Variants in ABCD3 observed in about 807,000 individuals in gnomAD.
ABCD3 encodes ATP-binding cassette sub-family D member 3.
Under a neutral mutation model 105.5 loss-of-function variants are expected in ABCD3, and 41 were observed. That is an observed-to-expected ratio of 0.39 (90% confidence interval 0.30 to 0.50). ABCD3 has a LOEUF of 0.50. ABCD3 is among the 20% of genes least tolerant of loss of function. The probability of loss-of-function intolerance (pLI) is 0.84; values close to 1 mark genes in which losing one functional copy is unlikely to be tolerated. For synonymous variants in ABCD3, 258 were observed against 269.0 expected (o/e 0.96, Z 0.40); for missense variants, 622 against 806.3 (o/e 0.77, Z 2.77).
At chr1:94,495,761 G>A (rs778122577) in intron 16 of ABCD3, among the ~76,000 whole-genome samples, 7 of 152,126 alleles carry the variant, frequency 4.6e-5, no homozygotes, top group African/African-American at 1.7e-4. Flanking sequence ...TTTATATACG[G>A]CCAACATTAC....
chr1:94,434,359 T>G (rs1016263467), intron 1 of ABCD3, among the ~76,000 whole-genome samples: 5 of 152,152 alleles, frequency 3.3e-5, no homozygotes, highest in African/African-American at 1.2e-4. Flanking sequence ...TTTTTTTAAG[T>G]AGGAGTACAC....
intron 21 of ABCD3, among the ~76,000 whole-genome samples, chr1:94,507,193 A>G (rs908425526): frequency 2.1e-5 from 3 of 140,082 alleles, no homozygotes; most frequent in African/African-American, 5.4e-5. Context: ...TCCTGTGTCC[A>G]TGTGTTCTCA....
At chr1:94,480,214 T>A (rs1557680438) in intron 8 of ABCD3, 2 of 521,230 alleles carry the variant, frequency 3.8e-6, no homozygotes, top group Admixed American at 3.3e-5. Flanking sequence ...CAATTAGGAG[T>A]TTTTAGGTGA....
chr1:94,484,448 T>C (rs1649182242), intron 10 of ABCD3, among the ~76,000 whole-genome samples: 1 of 152,216 alleles, frequency 6.6e-6, no homozygotes, highest in African/African-American at 2.4e-5. Context: ...CATGGAATAC[T>C]ATGCAGCCAT....
intron 15 of ABCD3, among the ~76,000 whole-genome samples, chr1:94,490,878 C>T (rs1034587787): frequency 6.6e-6 from 1 of 151,976 alleles, no homozygotes; most frequent in African/African-American, 2.4e-5. Context: ...ATTTGTAGTC[C>T]CACCAACAAT....
chr1:94,463,907 C>T (rs369175198), intron 2 of ABCD3, among the ~76,000 whole-genome samples: 37 of 152,324 alleles, frequency 2.4e-4, no homozygotes, highest in African/African-American at 8.9e-4. Flanking sequence ...ATACTGCCAT[C>T]TTGCTGTGAA....
the ABCD3 span, among the ~76,000 whole-genome samples, chr1:94,399,831 T>C: frequency 6.6e-6 from 1 of 152,210 alleles, no homozygotes; most frequent in Non-Finnish European, 1.5e-5. Context: ...AGATAATATT[T>C]ACTTTCTACG....
Position 94,489,980 on chromosome 1 carries a change from G to C in ABCD3, c.1322+5G>C. 1.9e-6 allele frequency: 3 copies of C among 1,611,778 alleles called. No individual in the cohort carries two copies. The highest frequency in any genetic ancestry group is 2.5e-6 in the Non-Finnish European group (3 of 1,178,194). ...TATTGCAGATAACATTATAAAGTAC[G>C]TACAGAAAAAGGTCTTTTAGCACCA... On this transcript the variant is annotated splice_donor_5th_base_variant and intron_variant, in intron 15 of 22. Transcript: ENST00000370214.
At chr1:94,423,916 G>A (rs1293296172) in intron 1 of ABCD3, among the ~76,000 whole-genome samples, 1 of 152,118 alleles carries the variant, frequency 6.6e-6, no homozygotes, top group Admixed American at 6.5e-5. Context: ...AGAAGGGGCT[G>A]GCTTCACTTT....
intron 16 of ABCD3, among the ~76,000 whole-genome samples, 167 bp from the exon 17 acceptor site, chr1:94,498,435 C>A (rs968957471): frequency 6.6e-6 from 1 of 151,904 alleles, no homozygotes; most frequent in Admixed American, 6.6e-5. Flanking sequence ...AGTAAAAGGT[C>A]CCTTCACAAT....
chr1:94,394,478 C>T, the ABCD3 span, among the ~76,000 whole-genome samples: 3 of 152,210 alleles, frequency 2.0e-5, no homozygotes, highest in African/African-American at 7.2e-5. Flanking sequence ...ACATCATCAC[C>T]TATTTAAACT....
chr1:94,413,205 T>G, the ABCD3 span, among the ~76,000 whole-genome samples: 34 of 152,280 alleles, frequency 2.2e-4, no homozygotes, highest in Admixed American at 3.3e-4. Flanking sequence ...TATGGTATCT[T>G]TTTTTTCCTT....
At chr1:94,422,135 C>T (rs1044315500) in intron 1 of ABCD3, among the ~76,000 whole-genome samples, 17 of 152,128 alleles carry the variant, frequency 1.1e-4, no homozygotes, top group Admixed American at 4.6e-4. Context: ...TTTCTGATTT[C>T]CAAACTGATG....
chr1:94,502,794 C>T (rs939583745), intron 20 of ABCD3, among the ~76,000 whole-genome samples: 5 of 152,246 alleles, frequency 3.3e-5, no homozygotes, highest in Admixed American at 1.3e-4. Context: ...GCCGCCGCGC[C>T]CCATTTTACA....
chr1:94,448,845 A>T (rs921412005), intron 1 of ABCD3, among the ~76,000 whole-genome samples: 3 of 152,258 alleles, frequency 2.0e-5, no homozygotes, highest in Non-Finnish European at 2.9e-5. Context: ...AGTGGAAAAA[A>T]TGAATCTGTC....
chr1:94,429,065 A>G (rs997666960), intron 1 of ABCD3, among the ~76,000 whole-genome samples: 1 of 152,166 alleles, frequency 6.6e-6, no homozygotes, highest in African/African-American at 2.4e-5. Flanking sequence ...GAGATGAGGA[A>G]CTTGTTGGGA....
the ABCD3 span, among the ~76,000 whole-genome samples, chr1:94,389,541 C>T: frequency 2.6e-5 from 4 of 152,204 alleles, no homozygotes; most frequent in African/African-American, 4.8e-5. Flanking sequence ...CTTTGTTTCC[C>T]ATAAGGAATA....
intron 1 of ABCD3, among the ~76,000 whole-genome samples, chr1:94,441,065 T>A (rs1026694126): frequency 1.3e-5 from 2 of 150,528 alleles, no homozygotes; most frequent in African/African-American, 4.9e-5. Flanking sequence ...TAGGGAAAGC[T>A]TTTGTAAGTG....
intron 1 of ABCD3, among the ~76,000 whole-genome samples, chr1:94,437,927 T>C (rs569755772): frequency 6.6e-6 from 1 of 152,226 alleles, no homozygotes; most frequent in East Asian, 1.9e-4. Context: ...ACTGATGTGA[T>C]AGAAATAGCA....
Sources: gnomAD v4.1 joint callset for allele counts (sites outside exome capture counted in the v4.1 genomes callset) on GRCh38, gnomAD v4.1.1 for gene constraint, MANE v1.5 for transcripts, NCBI Gene and HGNC (gene_info 2026-07-23, HGNC 2026-07-21) for gene names.